Variants in PCP4 observed in about 807,000 individuals in gnomAD.
The protein encoded by PCP4 is calmodulin regulator protein PCP4.
In PCP4, 8 loss-of-function variants were observed where a neutral mutation model predicts 10.0. The ratio of observed to expected loss-of-function variants is 0.80; its 90% confidence interval spans 0.47 to 1.45. The LOEUF (loss-of-function observed/expected upper bound fraction) is 1.45, where lower values mean the gene tolerates loss of function less well. PCP4 is among the 40% of genes most tolerant of loss of function. PCP4 has a pLI of 0.00. For synonymous variants in PCP4, 21 were observed against 23.0 expected (o/e 0.91, Z 0.24); for missense variants, 54 against 74.4 (o/e 0.73, Z 1.01).
chr21:39,912,953 G>A (rs546953402), intron 2 of PCP4, among the ~76,000 whole-genome samples: 2 of 152,148 alleles, frequency 1.3e-5, no homozygotes, highest in South Asian at 4.2e-4. Flanking sequence ...GGATCCTCTC[G>A]CCTAGGCCTC....
At chr21:39,891,876 T>C (rs2087433703) in intron 1 of PCP4, among the ~76,000 whole-genome samples, 2 of 152,250 alleles carry the variant, frequency 1.3e-5, no homozygotes. Context: ...TGCTATCTAC[T>C]ACGAACTTCA....
At chr21:39,907,004 C>T (rs2244287) in intron 2 of PCP4, among the ~76,000 whole-genome samples, 16,071 of 152,210 alleles carry the variant, frequency 0.11, 1,065 homozygotes, top group East Asian at 0.31. Context: ...ATGTGCACAG[C>T]AGGCAGTTTT....
intron 2 of PCP4, among the ~76,000 whole-genome samples, chr21:39,903,538 C>T (rs62236564): frequency 0.14 from 20,809 of 152,084 alleles, 1,638 homozygotes; most frequent in Middle Eastern, 0.23. Flanking sequence ...TGAGAAGTTT[C>T]AGTAGGTGTG....
At position 39,909,777 on chromosome 21, in the gene PCP4, T is replaced by C. The variant is rs185546961; in HGVS notation, c.61+11250T>C. On this transcript the variant is annotated intron_variant, in intron 2 of 2. Coordinates refer to ENST00000328619, the MANE Select transcript of PCP4 (RefSeq NM_006198.3). ...CTTGGCAAGCAGCTTCTTCAAAATT[T>C]CTTCCTTCCTTTCTTTTCTTTTCTT... Among the ~76,000 whole-genome samples, 219 of 148,406 alleles carry C rather than the reference T, an allele frequency of 1.5e-3. 2 individuals are homozygous for C. Among genetic ancestry groups the C allele is most frequent in the Non-Finnish European group, 2.4e-3 (165 of 67,558 alleles).
chr21:39,884,905 C>T (rs1469108755), intron 1 of PCP4, among the ~76,000 whole-genome samples: 1 of 152,182 alleles, frequency 6.6e-6, no homozygotes, highest in African/African-American at 2.4e-5. Context: ...CTAGAGCCCA[C>T]ATTCTTCACC....
chr21:39,877,255 C>T (rs1568849796), intron 1 of PCP4, among the ~76,000 whole-genome samples: 1 of 152,150 alleles, frequency 6.6e-6, no homozygotes, highest in Non-Finnish European at 1.5e-5. Flanking sequence ...GAAATCTTGA[C>T]AAAGCCATTG....
rs80312333 is a variant in PCP4, at chr21:39,900,867, A to G, written c.61+2340A>G. ...GCTATTGATATCAGGTGTATCTGCCATACACTGTCTCCTATATTAGAAATT... is the reference window on the plus strand; with the variant it reads ...GCTATTGATATCAGGTGTATCTGCCGTACACTGTCTCCTATATTAGAAATT... On this transcript the variant is annotated intron_variant, in intron 2 of 2. Coordinates refer to ENST00000328619, the MANE Select transcript of PCP4 (RefSeq NM_006198.3). Among the ~76,000 whole-genome samples, 991 of 152,290 alleles carry G rather than the reference A, an allele frequency of 6.5e-3. 7 individuals are homozygous for G. Among genetic ancestry groups the G allele is most frequent in the African/African-American group, 0.022 (930 of 41,558 alleles).
chr21:39,910,117 C>A (rs919437964), intron 2 of PCP4, among the ~76,000 whole-genome samples: 1 of 152,086 alleles, frequency 6.6e-6, no homozygotes, highest in Non-Finnish European at 1.5e-5. Context: ...CATCCCAGAC[C>A]CTGAAAACAA....
intron 1 of PCP4, among the ~76,000 whole-genome samples, chr21:39,878,710 G>C (rs1322433668): frequency 1.3e-5 from 2 of 152,186 alleles, no homozygotes; most frequent in Non-Finnish European, 2.9e-5. Context: ...CCCTTTGTGA[G>C]AGTATCTATC....
At chr21:39,924,915 G>A (rs2087613390) in intron 2 of PCP4, among the ~76,000 whole-genome samples, 2 of 152,180 alleles carry the variant, frequency 1.3e-5, no homozygotes, top group South Asian at 4.1e-4. Flanking sequence ...CCCGCCTGGA[G>A]CTTCTCTTGT....
intron 2 of PCP4, among the ~76,000 whole-genome samples, chr21:39,928,307 T>C (rs1405218071): frequency 2.0e-5 from 3 of 152,226 alleles, no homozygotes; most frequent in African/African-American, 7.2e-5. Context: ...TGGTAAGGTA[T>C]ACAGCACAGA....
At chr21:39,927,319 T>TATCA (rs1555851233) in intron 2 of PCP4, among the ~76,000 whole-genome samples, 1 of 108,380 alleles carries the variant, frequency 9.2e-6, no homozygotes, top group African/African-American at 3.1e-5. Context: ...TCTATCTATC[T>TATCA]ATCATCTATC....
chr21:39,878,993 CT>C (rs202020238), intron 1 of PCP4, among the ~76,000 whole-genome samples: 188 of 143,156 alleles, frequency 1.3e-3, no homozygotes, highest in Non-Finnish European at 1.3e-3. Context: ...TTTCCTTTTT[CT>C]TTTTTTTTTT....
intron 1 of PCP4, among the ~76,000 whole-genome samples, chr21:39,878,033 C>T (rs2087354862): frequency 2.1e-5 from 3 of 141,764 alleles, no homozygotes; most frequent in Admixed American, 6.9e-5. Context: ...GTCTTCTATA[C>T]CGTTTCATCT....
chr21:39,890,037 C>G (rs1876586669), intron 1 of PCP4, among the ~76,000 whole-genome samples: 1 of 152,144 alleles, frequency 6.6e-6, no homozygotes, highest in African/African-American at 2.4e-5. Context: ...GAATAGCACA[C>G]TGATTTTATG....
At chr21:39,925,429 G>A (rs1347065122) in intron 2 of PCP4, among the ~76,000 whole-genome samples, 1 of 152,216 alleles carries the variant, frequency 6.6e-6, no homozygotes, top group African/African-American at 2.4e-5. Flanking sequence ...GTTGTTAATT[G>A]AACACCTACT....
At chr21:39,901,058 A>G (rs2087480287) in intron 2 of PCP4, among the ~76,000 whole-genome samples, 1 of 152,126 alleles carries the variant, frequency 6.6e-6, no homozygotes. Flanking sequence ...CATTTCTGCA[A>G]CTCTCTTTAA....
At chr21:39,917,135 C>G (rs989946677) in intron 2 of PCP4, among the ~76,000 whole-genome samples, 1 of 152,204 alleles carries the variant, frequency 6.6e-6, no homozygotes, top group Non-Finnish European at 1.5e-5. Flanking sequence ...AGAGCTCAGC[C>G]TAGATGGTGT....
intron 1 of PCP4, among the ~76,000 whole-genome samples, chr21:39,887,223 T>A (rs1274550725): frequency 6.6e-6 from 1 of 152,336 alleles, no homozygotes; most frequent in East Asian, 1.9e-4. Context: ...AACGTAGTAT[T>A]TGAGGCAGAA....
Sources: allele counts gnomAD v4.1 joint callset (sites outside exome capture counted in the v4.1 genomes callset), GRCh38; gene constraint gnomAD v4.1.1; transcripts MANE v1.5; gene names NCBI Gene and HGNC (gene_info 2026-07-23, HGNC 2026-07-21).